Variants in SNTG1 observed in about 807,000 individuals in gnomAD.
SNTG1 encodes syntrophin gamma 1.
A neutral mutation model predicts 74.7 loss-of-function variants in SNTG1; 39 were observed. The observed-to-expected ratio is 0.52, with a 90% CI of 0.40 to 0.68. The LOEUF (loss-of-function observed/expected upper bound fraction) is 0.68, where lower values mean the gene tolerates loss of function less well. SNTG1 is among the 30% of genes least tolerant of loss of function. The pLI is 0.00. For missense variants in SNTG1, 685 were observed against 609.5 expected, an observed-to-expected ratio of 1.12 and a Z score of -1.30; for synonymous variants, 254 against 217.1, an observed-to-expected ratio of 1.17 and a Z score of -1.49.
intron 11 of SNTG1, among the ~76,000 whole-genome samples, chr8:50,550,107 T>C (rs1408180432): frequency 6.6e-6 from 1 of 152,158 alleles, no homozygotes; most frequent in Non-Finnish European, 1.5e-5. Flanking sequence ...CAGTTTCATA[T>C]CATCTCAAGT....
At chr8:50,403,179 T>G (rs1449899562) in intron 4 of SNTG1, among the ~76,000 whole-genome samples, 1 of 152,188 alleles carries the variant, frequency 6.6e-6, no homozygotes, top group Non-Finnish European at 1.5e-5. Context: ...CCCAAACATC[T>G]GCAACTATTT....
At chr8:50,277,987 A>AAC (rs1479403387) in intron 2 of SNTG1, among the ~76,000 whole-genome samples, 1 of 152,128 alleles carries the variant, frequency 6.6e-6, no homozygotes, top group Non-Finnish European at 1.5e-5. Context: ...CAGCCTGGAC[A>AAC]ACATGGTGAA....
At chr8:50,507,921 CT>C (rs1237675922) in intron 9 of SNTG1, among the ~76,000 whole-genome samples, 24 of 133,260 alleles carry the variant, frequency 1.8e-4, no homozygotes, top group African/African-American at 6.1e-4. Context: ...ACCTTCATTT[CT>C]TTTTTTTTAT....
At chr8:50,139,376 C>T (rs1037773586) in intron 1 of SNTG1, among the ~76,000 whole-genome samples, 15 of 152,066 alleles carry the variant, frequency 9.9e-5, no homozygotes, top group Admixed American at 9.2e-4. Flanking sequence ...GACTTATTTG[C>T]CTAGGTAAAC....
At chr8:50,180,498 T>G (rs1390518411) in intron 2 of SNTG1, among the ~76,000 whole-genome samples, 1 of 152,184 alleles carries the variant, frequency 6.6e-6, no homozygotes, top group Non-Finnish European at 1.5e-5. Flanking sequence ...TGCACAATGT[T>G]GTGAATTTAC....
At chr8:50,325,495 C>A (rs961236818) in intron 2 of SNTG1, among the ~76,000 whole-genome samples, 2 of 151,910 alleles carry the variant, frequency 1.3e-5, no homozygotes, top group African/African-American at 4.8e-5. Flanking sequence ...GATATTGCAT[C>A]TTTAATTTCA....
At chr8:50,271,406 A>G (rs903551777) in intron 2 of SNTG1, among the ~76,000 whole-genome samples, 5 of 152,212 alleles carry the variant, frequency 3.3e-5, no homozygotes, top group African/African-American at 1.2e-4. Flanking sequence ...CTTCTTTTTA[A>G]AATTAGTAAA....
intron 15 of SNTG1, among the ~76,000 whole-genome samples, chr8:50,689,581 C>A (rs1341357872): frequency 6.7e-6 from 1 of 149,678 alleles, no homozygotes; most frequent in Non-Finnish European, 1.5e-5. Context: ...ACCAGCCTTG[C>A]ATCCCGGGGA....
chr8:50,270,584 A>G (rs2087726081), intron 2 of SNTG1, among the ~76,000 whole-genome samples: 1 of 149,260 alleles, frequency 6.7e-6, no homozygotes, highest in Non-Finnish European at 1.5e-5. Flanking sequence ...AACTAGGTTG[A>G]TAAGCTAGAT....
chr8:50,509,163 T>A (rs1009447404), intron 9 of SNTG1, among the ~76,000 whole-genome samples: 2 of 152,194 alleles, frequency 1.3e-5, no homozygotes, highest in African/African-American at 4.8e-5. Flanking sequence ...CCCAGCACCA[T>A]TTATTAAATA....
intron 5 of SNTG1, among the ~76,000 whole-genome samples, chr8:50,448,138 G>A (rs1219368712): frequency 2.6e-5 from 4 of 152,158 alleles, no homozygotes; most frequent in Admixed American, 2.6e-4. Context: ...ACCTACGCCA[G>A]TAACTTCCCC....
intron 2 of SNTG1, among the ~76,000 whole-genome samples, chr8:50,237,172 A>C (rs531701831): frequency 9.2e-5 from 14 of 152,216 alleles, no homozygotes; most frequent in African/African-American, 3.1e-4. Flanking sequence ...TCTTGAAAGA[A>C]CCAGAAACTT....
chr8:50,687,629 G>T (rs1413915194), intron 15 of SNTG1, among the ~76,000 whole-genome samples: 4 of 152,182 alleles, frequency 2.6e-5, no homozygotes, highest in African/African-American at 4.8e-5. Context: ...GTGCACGTTT[G>T]TTACATATGT....
In SNTG1 at chr8:49,968,208, T is replaced by C. The variant is rs1032574573; in HGVS notation, c.-103+55977T>C. ...TCCAATTTCTTTGTGTCCAAAGCCATTGCCCACATCCTTCATTGAATCTGA... is the reference window on the plus strand; with the variant it reads ...TCCAATTTCTTTGTGTCCAAAGCCACTGCCCACATCCTTCATTGAATCTGA... On this transcript the variant is annotated intron_variant, in intron 1 of 18. Coordinates refer to ENST00000642720, the MANE Select transcript of SNTG1 (RefSeq NM_018967.5). Among the ~76,000 whole-genome samples, 13 of 152,176 alleles carry C rather than the reference T, an allele frequency of 8.5e-5. 1 individual carries two copies. Among genetic ancestry groups the C allele is most frequent in the Non-Finnish European group, 1.9e-4 (13 of 68,030 alleles).
In SNTG1 at chr8:50,449,725, G is replaced by C; in HGVS notation, c.277G>C (p.Ala93Pro). The C allele has an allele frequency of 1.9e-6, 3 of 1,590,656 alleles. No individual in the cohort carries two copies. The highest frequency in any genetic ancestry group is 2.6e-6 in the Non-Finnish European group (3 of 1,166,630). ...VVSKISKEQR[A>P]ELSGLLFIGD... ...TTCAAAAATCTCCAAGGAACAAAGA[G>C]GTAATATGTTTAGAGAATTGTGTAC... is the stretch of plus-strand genomic sequence containing the variant. The change falls in exon 6 of 19, where the codon GCG becomes CCG. Residue 93 changes from alanine to proline, a missense_variant and splice_region_variant. Ala to Pro is a conservative substitution (Grantham distance 27, BLOSUM62 -1). Transcript: ENST00000642720.
At chr8:50,387,169 T>G (rs1335796549) in intron 2 of SNTG1, among the ~76,000 whole-genome samples, 2 of 152,176 alleles carry the variant, frequency 1.3e-5, no homozygotes, top group African/African-American at 4.8e-5. Flanking sequence ...AACCATGGCC[T>G]CTTTGTCTTT....
chr8:50,746,528 G>A (rs868204982), intron 17 of SNTG1, among the ~76,000 whole-genome samples: 3 of 152,058 alleles, frequency 2.0e-5, no homozygotes, highest in Middle Eastern at 3.4e-3. Flanking sequence ...AGTACAGTCT[G>A]ATGAGGAACT....
At chr8:50,582,165 C>T (rs941461765) in intron 12 of SNTG1, among the ~76,000 whole-genome samples, 2 of 152,040 alleles carry the variant, frequency 1.3e-5, no homozygotes, top group Non-Finnish European at 2.9e-5. Flanking sequence ...TGTTTGATTG[C>T]TTGTTTGTTT....
At chr8:50,394,843 TAA>T (rs2092706853) in intron 3 of SNTG1, among the ~76,000 whole-genome samples, 2 of 110,366 alleles carry the variant, frequency 1.8e-5, no homozygotes, top group African/African-American at 7.2e-5. Context: ...GAAGAAAAAC[TAA>T]CTTTTTTTTT....
Sources: gnomAD v4.1 joint callset for allele counts (sites outside exome capture counted in the v4.1 genomes callset) on GRCh38, gnomAD v4.1.1 for gene constraint, MANE v1.5 for transcripts, NCBI Gene and HGNC (gene_info 2026-07-23, HGNC 2026-07-21) for gene names.